The following RBFOX1 variants were observed in gnomAD, a reference collection of about 807,000 sequenced individuals.
RBFOX1 encodes the protein RNA binding protein fox-1 homolog 1.
RBFOX1 carries 8 observed loss-of-function variants against 57.7 expected under a neutral mutation model. That is an observed-to-expected ratio of 0.14 (90% CI 0.08 to 0.25). RBFOX1 has a LOEUF of 0.25. Ranked by LOEUF, RBFOX1 falls within the 10% of genes least tolerant of loss-of-function variation. The probability of loss-of-function intolerance (pLI) is 1.00; values close to 1 mark genes in which losing one functional copy is unlikely to be tolerated. For synonymous variants in RBFOX1, 326 were observed against 222.4 expected (o/e 1.47, Z -4.15); for missense variants, 611 against 548.5 (o/e 1.11, Z -1.14).
At chr16:7,123,304 C>T (rs1270146417) in intron 4 of RBFOX1, among the ~76,000 whole-genome samples, 1 of 152,100 alleles carries the variant, frequency 6.6e-6, no homozygotes, top group Non-Finnish European at 1.5e-5. Context: ...AAACATTACA[C>T]ATTTAAAAAT....
At chr16:6,707,580 G>A (rs1214645203) in intron 3 of RBFOX1, among the ~76,000 whole-genome samples, 1 of 148,890 alleles carries the variant, frequency 6.7e-6, no homozygotes, top group Non-Finnish European at 1.5e-5. Context: ...ACCCCAAGAA[G>A]GATTGACAGT....
chr16:5,733,132 A>C (rs1221643267), intron 3 of RBFOX1, among the ~76,000 whole-genome samples: 4 of 152,214 alleles, frequency 2.6e-5, no homozygotes, highest in African/African-American at 9.7e-5. Flanking sequence ...TTCTGAAATG[A>C]AATAGGCAGT....
intron 4 of RBFOX1, among the ~76,000 whole-genome samples, chr16:7,159,693 C>T (rs891222794): frequency 2.0e-5 from 3 of 152,078 alleles, no homozygotes; most frequent in Admixed American, 6.6e-5. Context: ...TTGGATCTGC[C>T]AAGTACAAAT....
chr16:7,174,777 C>G (rs373340016), intron 4 of RBFOX1, among the ~76,000 whole-genome samples: 155 of 152,294 alleles, frequency 1.0e-3, no homozygotes, highest in African/African-American at 3.3e-3. Context: ...GAGACTCAGT[C>G]TCAAAACAAA....
chr16:6,957,905 C>T (rs2082202375), intron 3 of RBFOX1, among the ~76,000 whole-genome samples: 1 of 152,178 alleles, frequency 6.6e-6, no homozygotes, highest in African/African-American at 2.4e-5. Context: ...CCTCCCTTTT[C>T]CATGCAGGAC....
intron 1 of RBFOX1, among the ~76,000 whole-genome samples, chr16:5,404,957 G>A (rs1273336362): frequency 6.6e-6 from 1 of 152,204 alleles, no homozygotes; most frequent in Non-Finnish European, 1.5e-5. Context: ...CATCATCATA[G>A]GAAGTACTTC....
At chr16:6,193,404 A>AATG (rs58734338) in intron 1 of RBFOX1, among the ~76,000 whole-genome samples, 11 of 90,296 alleles carry the variant, frequency 1.2e-4, no homozygotes, top group African/African-American at 3.8e-4. Flanking sequence ...ATATATATAT[A>AATG]TATATATATA....
chr16:5,670,655 A>G (rs1035420673), intron 3 of RBFOX1, among the ~76,000 whole-genome samples: 2 of 152,158 alleles, frequency 1.3e-5, no homozygotes, highest in Non-Finnish European at 2.9e-5. Flanking sequence ...CTTTTTACTC[A>G]TGTGCGGTTT....
At chr16:7,671,582 G>A (rs749718093) in intron 13 of RBFOX1, 2 of 1,612,016 alleles carry the variant, frequency 1.2e-6, no homozygotes, top group Non-Finnish European at 1.7e-6. Context: ...GCCTGTGTAT[G>A]GCAATAAATT....
chr16:7,161,690 T>C (rs17670231), intron 4 of RBFOX1, among the ~76,000 whole-genome samples: 26,816 of 152,106 alleles, frequency 0.18, 3,285 homozygotes, highest in East Asian at 0.42. Context: ...AGTGAGTTTT[T>C]CTAGTGAGGG....
intron 4 of RBFOX1, among the ~76,000 whole-genome samples, chr16:5,999,563 C>T (rs541941293): frequency 2.0e-5 from 3 of 152,204 alleles, no homozygotes; most frequent in Non-Finnish European, 2.9e-5. Context: ...AAGGGTTGGC[C>T]GGGCGCCGCT....
intron 1 of RBFOX1, among the ~76,000 whole-genome samples, chr16:6,174,478 C>T (rs1228982036): frequency 6.6e-6 from 1 of 152,050 alleles, no homozygotes; most frequent in Non-Finnish European, 1.5e-5. Context: ...GCCTGTAGTC[C>T]CAACTATTGG....
intron 4 of RBFOX1, among the ~76,000 whole-genome samples, chr16:7,271,522 G>T (rs1281710326): frequency 6.6e-6 from 1 of 151,720 alleles, no homozygotes; most frequent in African/African-American, 2.4e-5. Flanking sequence ...TAATTGATTT[G>T]TTTTTTTAAA....
At chr16:6,735,102 A>G (rs1163734235) in intron 3 of RBFOX1, among the ~76,000 whole-genome samples, 1 of 152,124 alleles carries the variant, frequency 6.6e-6, no homozygotes. Flanking sequence ...CCATGATTAA[A>G]CAACTGTATA....
At chr16:5,756,702 T>G (rs867499312) in intron 3 of RBFOX1, among the ~76,000 whole-genome samples, 1 of 152,180 alleles carries the variant, frequency 6.6e-6, no homozygotes, top group East Asian at 1.9e-4. Flanking sequence ...TCATTACTTA[T>G]CACAGCAGAA....
chr16:7,014,990 C>T (rs2093837221), intron 3 of RBFOX1, among the ~76,000 whole-genome samples: 1 of 152,194 alleles, frequency 6.6e-6, no homozygotes, highest in South Asian at 2.1e-4. Flanking sequence ...TCCCAAAGGG[C>T]TGGAATTACA....
At chr16:6,632,269 C>T (rs1179511231) in intron 2 of RBFOX1, among the ~76,000 whole-genome samples, 2 of 151,302 alleles carry the variant, frequency 1.3e-5, no homozygotes, top group Non-Finnish European at 2.9e-5. Context: ...CTGAAACCAT[C>T]GCAAACAACA....
chr16:6,177,757 A>G (rs1415796384), intron 1 of RBFOX1, among the ~76,000 whole-genome samples: 2 of 152,102 alleles, frequency 1.3e-5, no homozygotes, highest in African/African-American at 4.8e-5. Flanking sequence ...GAGTACACCC[A>G]AGCACGCAGT....
chr16:6,259,326 T>C (rs931717412), intron 1 of RBFOX1, among the ~76,000 whole-genome samples: 5 of 152,130 alleles, frequency 3.3e-5, no homozygotes, highest in Non-Finnish European at 5.9e-5. Context: ...CTCTCCTCTC[T>C]AGCCGTTAGG....
Sources: allele counts gnomAD v4.1 joint callset (sites outside exome capture counted in the v4.1 genomes callset), GRCh38; gene constraint gnomAD v4.1.1; transcripts MANE v1.5; gene names NCBI Gene and HGNC (gene_info 2026-07-23, HGNC 2026-07-21).